The following KCNH7 variants were observed in gnomAD, a reference collection of about 807,000 sequenced individuals.
The protein encoded by KCNH7 is voltage-gated inwardly rectifying potassium channel KCNH7.
A neutral mutation model predicts 120.8 loss-of-function variants in KCNH7; 49 were observed. That is an observed-to-expected ratio of 0.41 (90% CI 0.32 to 0.51). The LOEUF is 0.51. Ranked by LOEUF, KCNH7 falls within the 20% of genes least tolerant of loss-of-function variation. The pLI is 0.38. For synonymous variants in KCNH7, 547 were observed against 516.1 expected (o/e 1.06, Z -0.81); for missense variants, 1,097 against 1,446.6 (o/e 0.76, Z 3.92).
intron 2 of KCNH7, among the ~76,000 whole-genome samples, chr2:162,630,761 G>GA (rs1413715475): frequency 1.3e-5 from 2 of 152,064 alleles, no homozygotes; most frequent in African/African-American, 4.8e-5. Flanking sequence ...GTCAGCCAGG[G>GA]AAAATAGCAC....
At chr2:162,377,893 C>G (rs1686267111) in intron 14 of KCNH7, among the ~76,000 whole-genome samples, 2 of 151,970 alleles carry the variant, frequency 1.3e-5, no homozygotes, top group South Asian at 4.1e-4. Context: ...AATAAAATAA[C>G]AACAACAATT....
At chr2:162,829,627 C>G (rs952789340) in intron 2 of KCNH7, among the ~76,000 whole-genome samples, 8 of 152,090 alleles carry the variant, frequency 5.3e-5, no homozygotes, top group Non-Finnish European at 1.0e-4. Context: ...TAGATTCCAA[C>G]TGTTCACTAA....
At position 162,435,409 on chromosome 2, in the gene KCNH7, C is replaced by T; in HGVS notation, c.1743G>A (p.Leu581=). Residue 581 remains leucine, a synonymous_variant, in exon 8 of 16, where the codon CTG becomes CTA. Transcript: ENST00000332142. ...AATCCAACCATCCGATTTTGTCAGT[C>T]AGGTAAGGCCTTTCTACATTCCCAA... The part of the protein sequence containing the change: ...YAIGNVERPY[L]TDKIGWLDSL... The T allele has an allele frequency of 1.9e-6, 3 of 1,613,802 alleles. No individual in the cohort carries two copies. The highest frequency in any genetic ancestry group is 1.7e-4 in the Middle Eastern group (1 of 6,056).
rs555216664 is a variant in KCNH7 at position 162,597,602 on chromosome 2, G to A, written c.308-60522C>T. Reference sequence around the variant, plus strand: ...CCAAAGGGTGCAAAGTTTCAGTTAGGAGGAATAAATTCTGGTGATCTATTG... The same window carrying A: ...CCAAAGGGTGCAAAGTTTCAGTTAGAAGGAATAAATTCTGGTGATCTATTG... On this transcript the variant is annotated intron_variant, in intron 2 of 15. Transcript: ENST00000332142. 2.2e-4 allele frequency among the ~76,000 whole-genome samples: 33 copies of A among 152,170 alleles called. No homozygotes were observed. The South Asian group carries it at 6.2e-3, about 29-fold the overall frequency.
chr2:162,480,753 A>G (rs1689904688), intron 6 of KCNH7, among the ~76,000 whole-genome samples: 1 of 152,170 alleles, frequency 6.6e-6, no homozygotes, highest in Non-Finnish European at 1.5e-5. Context: ...GTCATCCATG[A>G]TATGAAGGGA....
At chr2:162,703,492 AT>A (rs1018370658) in intron 2 of KCNH7, among the ~76,000 whole-genome samples, 63 of 152,302 alleles carry the variant, frequency 4.1e-4, no homozygotes, top group African/African-American at 1.5e-3. Context: ...GAAATAAAAA[AT>A]GTTAGAACAA....
intron 2 of KCNH7, among the ~76,000 whole-genome samples, chr2:162,705,703 G>A (rs1299615174): frequency 6.6e-6 from 1 of 152,090 alleles, no homozygotes; most frequent in East Asian, 1.9e-4. Flanking sequence ...CTCAAGCAGT[G>A]TCAGATTTCA....
At chr2:162,378,528 T>A (rs1326357832) in intron 14 of KCNH7, among the ~76,000 whole-genome samples, 2 of 152,196 alleles carry the variant, frequency 1.3e-5, no homozygotes, top group Non-Finnish European at 2.9e-5. Flanking sequence ...TAAGTACAGA[T>A]GAGTAAGCAA....
chr2:162,625,238 G>T (rs1490106354), intron 2 of KCNH7, among the ~76,000 whole-genome samples: 1 of 151,952 alleles, frequency 6.6e-6, no homozygotes, highest in Non-Finnish European at 1.5e-5. Context: ...TCAAATCATG[G>T]CTCTGTTACT....
At chr2:162,506,089 T>G (rs1278579764) in intron 5 of KCNH7, among the ~76,000 whole-genome samples, 3 of 151,940 alleles carry the variant, frequency 2.0e-5, no homozygotes, top group Non-Finnish European at 2.9e-5. Context: ...TTTCTTGAGT[T>G]GCATTTCTGT....
chr2:162,427,553 CTTA>C (rs1366401916), intron 8 of KCNH7, among the ~76,000 whole-genome samples: 1 of 151,786 alleles, frequency 6.6e-6, no homozygotes, highest in African/African-American at 2.4e-5. Context: ...GAGTTGTCTT[CTTA>C]TTATGGATTT....
At chr2:162,783,233 A>T (rs1359612860) in intron 2 of KCNH7, among the ~76,000 whole-genome samples, 2 of 152,098 alleles carry the variant, frequency 1.3e-5, no homozygotes, top group Non-Finnish European at 2.9e-5. Flanking sequence ...TCCAACTATG[A>T]TAATAGTTGG....
intron 2 of KCNH7, among the ~76,000 whole-genome samples, chr2:162,621,708 G>A (rs911827182): frequency 1.3e-5 from 2 of 152,046 alleles, no homozygotes; most frequent in African/African-American, 2.4e-5. Context: ...AGTGTTATTG[G>A]CTGGTTATAT....
intron 9 of KCNH7, among the ~76,000 whole-genome samples, chr2:162,416,597 G>A (rs945192674): frequency 3.3e-5 from 5 of 152,064 alleles, no homozygotes; most frequent in African/African-American, 1.2e-4. Flanking sequence ...CACTATGGTA[G>A]GTTTTCCTAA....
intron 2 of KCNH7, among the ~76,000 whole-genome samples, chr2:162,733,004 A>T: frequency 6.6e-6 from 1 of 152,226 alleles, no homozygotes; most frequent in Non-Finnish European, 1.5e-5. Flanking sequence ...TTGTCTCGAA[A>T]ATTTGGCATA....
chr2:162,379,326 TA>T (rs1236959664), intron 14 of KCNH7, among the ~76,000 whole-genome samples: 8 of 152,320 alleles, frequency 5.3e-5, no homozygotes, highest in Admixed American at 2.0e-4. Context: ...CTCCCTAAAC[TA>T]AGATTTATTC....
chr2:162,629,035 C>T (rs1171645723), intron 2 of KCNH7, among the ~76,000 whole-genome samples: 1 of 152,106 alleles, frequency 6.6e-6, no homozygotes, highest in Non-Finnish European at 1.5e-5. Context: ...ATGCCACCCC[C>T]ACCCACACCA....
chr2:162,430,850 GT>G (rs1315406585), intron 8 of KCNH7, among the ~76,000 whole-genome samples: 1 of 151,522 alleles, frequency 6.6e-6, no homozygotes, highest in Non-Finnish European at 1.5e-5. Flanking sequence ...TGGTTTACGT[GT>G]TTTTAAAAAT....
chr2:162,807,858 T>C (rs1684604972), intron 2 of KCNH7, among the ~76,000 whole-genome samples: 2 of 152,092 alleles, frequency 1.3e-5, no homozygotes, highest in Admixed American at 1.3e-4. Context: ...AATTTTTGTA[T>C]TTTTAGTAGA....
Sources: gnomAD v4.1 joint callset for allele counts (sites outside exome capture counted in the v4.1 genomes callset) on GRCh38, gnomAD v4.1.1 for gene constraint, MANE v1.5 for transcripts, NCBI Gene and HGNC (gene_info 2026-07-23, HGNC 2026-07-21) for gene names.